The following RGS7BP variants were observed in gnomAD, a reference collection of about 807,000 sequenced individuals.
The protein encoded by RGS7BP is regulator of G protein signaling 7-binding protein.
In RGS7BP, 9 loss-of-function variants were observed where a neutral mutation model predicts 31.3. The observed-to-expected ratio is 0.29, with a 90% CI of 0.17 to 0.50. RGS7BP has a LOEUF of 0.50. Among genes scored for constraint, RGS7BP ranks in the 20% least tolerant of loss-of-function variants. RGS7BP has a pLI of 0.98. For missense variants in RGS7BP, 274 were observed against 322.0 expected (o/e 0.85, Z 1.14); for synonymous variants, 115 against 120.1 (o/e 0.96, Z 0.28).
At chr5:64,586,493 T>C (rs922161188) in intron 3 of RGS7BP, among the ~76,000 whole-genome samples, 1 of 152,234 alleles carries the variant, frequency 6.6e-6, no homozygotes, top group Non-Finnish European at 1.5e-5. Context: ...GGTCATAACT[T>C]AGATAACTTA....
intron 2 of RGS7BP, among the ~76,000 whole-genome samples, chr5:64,571,465 T>TCC (rs1742299143): frequency 6.6e-6 from 1 of 152,132 alleles, no homozygotes; most frequent in Non-Finnish European, 1.5e-5. Flanking sequence ...ATAGGATGGG[T>TCC]ATATGTTTAG....
At chr5:64,534,405 ATGTG>A (rs1475592129) in intron 2 of RGS7BP, among the ~76,000 whole-genome samples, 1 of 152,204 alleles carries the variant, frequency 6.6e-6, no homozygotes, top group African/African-American at 2.4e-5. Flanking sequence ...TGTTTTTAAG[ATGTG>A]TAAGAAAAGA....
intron 2 of RGS7BP, among the ~76,000 whole-genome samples, chr5:64,522,271 A>C (rs555454191): frequency 3.6e-4 from 55 of 152,340 alleles, no homozygotes; most frequent in African/African-American, 1.3e-3. Flanking sequence ...AAGTTGGGTC[A>C]GTTCCCTTGA....
intron 2 of RGS7BP, among the ~76,000 whole-genome samples, chr5:64,521,261 TTTTA>T (rs568163392): frequency 1.3e-5 from 2 of 152,150 alleles, no homozygotes; most frequent in Admixed American, 6.6e-5. Flanking sequence ...TTAAATTCTT[TTTTA>T]TTTATTTTTT....
At chr5:64,568,011 G>C (rs1203023706) in intron 2 of RGS7BP, among the ~76,000 whole-genome samples, 2 of 151,984 alleles carry the variant, frequency 1.3e-5, no homozygotes, top group African/African-American at 4.8e-5. Flanking sequence ...AGATTAAAAT[G>C]TGGAAACCTG....
chr5:64,553,883 T>G lies in RGS7BP; in HGVS notation c.333-21891T>G, dbSNP rs1741856839. On this transcript the variant is annotated intron_variant, in intron 2 of 5. Coordinates refer to ENST00000334025, the MANE Select transcript of RGS7BP (RefSeq NM_001029875.3). ...GAAGAGAAATCTTCAGGGTCAAAAA[T>G]GAATAGGGAACAAAAAGTGAGTTGA... Among the ~76,000 whole-genome samples the G allele has an allele frequency of 2.0e-5, 3 of 151,988 alleles. No homozygotes were observed. The South Asian group carries it at 6.2e-4, about 31-fold the overall frequency.
At chr5:64,584,006 G>A (rs901435379) in intron 3 of RGS7BP, among the ~76,000 whole-genome samples, 1 of 152,128 alleles carries the variant, frequency 6.6e-6, no homozygotes, top group Non-Finnish European at 1.5e-5. Context: ...TTACACATGA[G>A]GAACTCAAAG....
At chr5:64,545,502 G>A (rs1385875795) in intron 2 of RGS7BP, among the ~76,000 whole-genome samples, 1 of 151,984 alleles carries the variant, frequency 6.6e-6, no homozygotes, top group Non-Finnish European at 1.5e-5. Flanking sequence ...AATTAAATTT[G>A]CATCTTAGAA....
At chr5:64,583,579 A>T (rs1580453873) in intron 3 of RGS7BP, among the ~76,000 whole-genome samples, 2 of 152,186 alleles carry the variant, frequency 1.3e-5, no homozygotes, top group East Asian at 3.8e-4. Context: ...GTGCAATGAA[A>T]ATAATTGAAA....
At chr5:64,526,412 C>T (rs62369450) in intron 2 of RGS7BP, among the ~76,000 whole-genome samples, 2,145 of 152,316 alleles carry the variant, frequency 0.014, 34 homozygotes, top group Non-Finnish European at 0.022. Flanking sequence ...ACTGCTGAAT[C>T]ACTAAATCCT....
At position 64,597,906 on chromosome 5, in the gene RGS7BP, C is replaced by T. The variant is rs144125458; in HGVS notation, c.612-459C>T. On this transcript the variant is annotated intron_variant, in intron 4 of 5. Transcript: ENST00000334025. ...TTAAATTTACACAAATTTTAACAAA[C>T]GAGCAAATAACAGCAAGTGAATGTA... Among the ~76,000 whole-genome samples, 353 of 152,266 alleles carry T rather than the reference C, an allele frequency of 2.3e-3. 3 individuals are homozygous for T. Among genetic ancestry groups the T allele is most frequent in the African/African-American group, 8.2e-3 (341 of 41,546 alleles).
chr5:64,550,043 T>C lies in RGS7BP; in HGVS notation c.333-25731T>C, dbSNP rs541608186. On this transcript the variant is annotated intron_variant, in intron 2 of 5. Coordinates refer to ENST00000334025, the MANE Select transcript of RGS7BP (RefSeq NM_001029875.3). Reference sequence around the variant, plus strand: ...CATCTTTCCTGCAGTTTCCAAAATATGTTCCTCATTTCTGTCTGATACCTT... The same window carrying C: ...CATCTTTCCTGCAGTTTCCAAAATACGTTCCTCATTTCTGTCTGATACCTT... Among the ~76,000 whole-genome samples the C allele has an allele frequency of 2.0e-5, 3 of 152,354 alleles. No individual in the cohort carries two copies. The East Asian group carries it at 5.8e-4, about 29-fold the overall frequency.
At chr5:64,593,515 C>T (rs1356160591) in intron 3 of RGS7BP, among the ~76,000 whole-genome samples, 1 of 152,258 alleles carries the variant, frequency 6.6e-6, no homozygotes, top group Non-Finnish European at 1.5e-5. Flanking sequence ...GTAACAATTA[C>T]TTAACAACTA....
chr5:64,566,394 G>A (rs1402117703), intron 2 of RGS7BP, among the ~76,000 whole-genome samples: 1 of 152,128 alleles, frequency 6.6e-6, no homozygotes, highest in African/African-American at 2.4e-5. Context: ...CTGAGAGAGA[G>A]AGAATTCAGG....
chr5:64,558,475 T>C (rs1430378227), intron 2 of RGS7BP, among the ~76,000 whole-genome samples: 6 of 152,180 alleles, frequency 3.9e-5, no homozygotes, highest in Non-Finnish European at 7.4e-5. Flanking sequence ...TGCCTGTCTT[T>C]ACTTTAATCT....
In RGS7BP at chr5:64,588,908, T is replaced by C. The variant is rs916168188; in HGVS notation, c.464-5802T>C. ...GAGAGAAATTGATAATCAAGAAAAA[T>C]AGAAAACAATTCCCCAACCCTAAAA... is the stretch of plus-strand genomic sequence containing the variant. On this transcript the variant is annotated intron_variant, in intron 3 of 5. Transcript: ENST00000334025. Among the ~76,000 whole-genome samples, 5 of 151,714 alleles carry C rather than the reference T, an allele frequency of 3.3e-5. No individual in the cohort carries two copies. In the South Asian group the frequency reaches 6.3e-4, roughly 19 times the overall value.
chr5:64,568,617 G>T (rs142718362), intron 2 of RGS7BP, among the ~76,000 whole-genome samples: 1 of 151,812 alleles, frequency 6.6e-6, no homozygotes, highest in Non-Finnish European at 1.5e-5. Flanking sequence ...TGCCTAGACC[G>T]CCCCTTCAGA....
chr5:64,546,628 T>G (rs1386084899), intron 2 of RGS7BP, among the ~76,000 whole-genome samples: 1 of 152,070 alleles, frequency 6.6e-6, no homozygotes, highest in Admixed American at 6.5e-5. Context: ...GAACTTTGTC[T>G]CTAAAGGGAA....
At position 64,586,666 on chromosome 5, in the gene RGS7BP, C is replaced by T. The variant is rs142071140; in HGVS notation, c.464-8044C>T. ...TATTGTCCTCTCTAGACTTTGATCA[C>T]CATGAGTATGTTCACCGTTGTATTC... On this transcript the variant is annotated intron_variant, in intron 3 of 5. Transcript: ENST00000334025. Among the ~76,000 whole-genome samples the T allele has an allele frequency of 8.5e-3, 1,296 of 152,300 alleles. 20 individuals carry two copies. Among genetic ancestry groups the T allele is most frequent in the African/African-American group, 0.029 (1,201 of 41,560 alleles).
Sources: allele counts gnomAD v4.1 joint callset (sites outside exome capture counted in the v4.1 genomes callset), GRCh38; gene constraint gnomAD v4.1.1; transcripts MANE v1.5; gene names NCBI Gene and HGNC (gene_info 2026-07-23, HGNC 2026-07-21).